The following CACNA2D4 variants were observed in gnomAD, a reference collection of about 807,000 sequenced individuals.
The protein encoded by CACNA2D4 is calcium voltage-gated channel auxiliary subunit alpha2delta 4.
CACNA2D4 carries 157 observed loss-of-function variants against 163.8 expected under a neutral mutation model. That is an observed-to-expected ratio of 0.96 (90% CI 0.84 to 1.09). CACNA2D4 has a LOEUF of 1.09. Ranked by LOEUF, CACNA2D4 falls within the 50% of genes least tolerant of loss-of-function variation. The pLI, the probability that CACNA2D4 is intolerant of heterozygous loss-of-function variation, is 0.00. For synonymous variants in CACNA2D4, 598 were observed against 586.9 expected, an observed-to-expected ratio of 1.02 and a Z score of -0.27; for missense variants, 1,410 against 1,479.9, an observed-to-expected ratio of 0.95 and a Z score of 0.78.
chr12:1,892,783 G>A (rs570843495), intron 6 of CACNA2D4, among the ~76,000 whole-genome samples: 15 of 151,988 alleles, frequency 9.9e-5, no homozygotes, highest in Admixed American at 3.3e-4. Context: ...AGAATGAAAC[G>A]GAAGAAAAAA....
chr12:1,871,292 TTGC>T lies in CACNA2D4; in HGVS notation c.1878+3309_1878+3311del, dbSNP rs1277996493. ...ACTGGTGTGTGTGTACACCTGTATG[TTGC>T]TGGTGTGTGTGTATACGTGTGTGCT... is the stretch of plus-strand genomic sequence containing the variant. On this transcript the variant is annotated intron_variant, in intron 18 of 37. Coordinates refer to ENST00000382722, the MANE Select transcript of CACNA2D4 (RefSeq NM_172364.5). Among the ~76,000 whole-genome samples the T allele has an allele frequency of 8.7e-5, 13 of 148,806 alleles. No individual in the cohort carries two copies. The East Asian group carries it at 2.5e-3, about 28-fold the overall frequency.
chr12:1,867,039 T>TA (rs1865667056), intron 18 of CACNA2D4, among the ~76,000 whole-genome samples: 1 of 152,170 alleles, frequency 6.6e-6, no homozygotes, highest in Non-Finnish European at 1.5e-5. Context: ...TTAACGATGT[T>TA]ATTTTGTTGG....
chr12:1,846,582 G>A lies in CACNA2D4; in HGVS notation c.2342+12C>T, dbSNP rs372065649. On this transcript the variant is annotated intron_variant, in intron 24 of 37. Transcript: ENST00000382722. ...CAGGGATTGCCCTCCCGAGGTGGCCGGCCCAACCCACCTGTCGGAGACCTT... is the reference window on the plus strand; with the variant it reads ...CAGGGATTGCCCTCCCGAGGTGGCCAGCCCAACCCACCTGTCGGAGACCTT... 39 of 1,579,442 alleles carry A rather than the reference G, an allele frequency of 2.5e-5. No individual in the cohort carries two copies. The highest frequency in any genetic ancestry group is 1.7e-4 in the Middle Eastern group (1 of 6,034).
At chr12:1,804,661 G>T (rs12366419) in intron 29 of CACNA2D4, among the ~76,000 whole-genome samples, 1 of 152,242 alleles carries the variant, frequency 6.6e-6, no homozygotes, top group Non-Finnish European at 1.5e-5. Flanking sequence ...AGCCCTTGCG[G>T]CAGGGACTGG....
At chr12:1,868,270 T>A (rs1789886579) in intron 18 of CACNA2D4, among the ~76,000 whole-genome samples, 1 of 152,210 alleles carries the variant, frequency 6.6e-6, no homozygotes, top group South Asian at 2.1e-4. Flanking sequence ...GGAATATTAT[T>A]CAGCCTTAAC....
At chr12:1,865,785 C>T (rs1481384719) in intron 18 of CACNA2D4, among the ~76,000 whole-genome samples, 2 of 152,182 alleles carry the variant, frequency 1.3e-5, no homozygotes, top group Middle Eastern at 3.2e-3. Flanking sequence ...GCCTGAAGGA[C>T]GGTGGCGTTC....
intron 23 of CACNA2D4, among the ~76,000 whole-genome samples, chr12:1,850,643 G>A (rs1006783639): frequency 3.0e-4 from 46 of 152,038 alleles, no homozygotes; most frequent in South Asian, 1.5e-3. Flanking sequence ...GGTGGCTCAC[G>A]CCTGTAATCC....
intron 9 of CACNA2D4, among the ~76,000 whole-genome samples, chr12:1,885,626 G>A (rs73036240): frequency 0.13 from 19,140 of 152,174 alleles, 1,474 homozygotes; most frequent in African/African-American, 0.21. Context: ...TCCTCCTTTC[G>A]GGGAAGCTTC....
chr12:1,812,210 AC>A lies in CACNA2D4; in HGVS notation c.2552-488del, dbSNP rs201608517. Among the ~76,000 whole-genome samples, 987 of 152,094 alleles carry A rather than the reference AC, an allele frequency of 6.5e-3. 10 individuals are homozygous for A. The highest frequency in any genetic ancestry group is 0.022 in the African/African-American group (931 of 41,496). On this transcript the variant is annotated intron_variant, in intron 26 of 37. Coordinates refer to ENST00000382722, the MANE Select transcript of CACNA2D4 (RefSeq NM_172364.5). ...AACCTGGTGTAACCATTCCTTTCAT[AC>A]CCTCTGTCTGCTCAGGATCTTCCCT...
At chr12:1,913,797 T>C (rs1269025231) in intron 2 of CACNA2D4, among the ~76,000 whole-genome samples, 1 of 152,250 alleles carries the variant, frequency 6.6e-6, no homozygotes, top group Non-Finnish European at 1.5e-5. Flanking sequence ...AGCTCTGCAA[T>C]GTATTGGCCG....
In CACNA2D4 at chr12:1,811,736, AAGAG is replaced by A. The variant is rs1863717755; in HGVS notation, c.2552-17_2552-14del. 1.3e-6 allele frequency: 2 copies of A among 1,558,272 alleles called. No homozygotes were observed. Among genetic ancestry groups the A allele is most frequent in the Non-Finnish European group, 1.7e-6 (2 of 1,150,554 alleles). On this transcript the variant is annotated splice_polypyrimidine_tract_variant and intron_variant, in intron 26 of 37. Coordinates refer to ENST00000382722, the MANE Select transcript of CACNA2D4 (RefSeq NM_172364.5). ...TGGACGCCCGCGGCTACAGGGCAGAAAGAGAGAGGGCAAGGCCAGGGAAGAGACG... is the reference window on the plus strand; with the variant it reads ...TGGACGCCCGCGGCTACAGGGCAGAAAGAGGGCAAGGCCAGGGAAGAGACG...
intron 2 of CACNA2D4, 106 bp from the exon 3 acceptor site, chr12:1,913,245 T>G: frequency 1.3e-6 from 1 of 771,846 alleles, no homozygotes; most frequent in Admixed American, 2.0e-5. Flanking sequence ...TTCCGGCACA[T>G]GGAGCCTGGT....
At chr12:1,848,265 G>T (rs974447892) in intron 23 of CACNA2D4, among the ~76,000 whole-genome samples, 1 of 151,982 alleles carries the variant, frequency 6.6e-6, no homozygotes, top group Non-Finnish European at 1.5e-5. Context: ...TCTTTTCCTT[G>T]CAATCGATGT....
chr12:1,885,851 C>A (rs1363845190), intron 9 of CACNA2D4, 114 bp downstream of exon 9: 26 of 750,194 alleles, frequency 3.5e-5, no homozygotes, highest in Admixed American at 2.3e-5. Flanking sequence ...TGCTCTCATT[C>A]CAGGTGCCAT....
In CACNA2D4 at chr12:1,846,595, T is replaced by C. The variant is rs1865149435; in HGVS notation, c.2341A>G (p.Arg781Gly). 6 of 1,592,570 alleles carry C rather than the reference T, an allele frequency of 3.8e-6. No homozygotes were observed. Among genetic ancestry groups the C allele is most frequent in the Admixed American group, 1.7e-5 (1 of 58,132 alleles). Residue 781 changes from arginine to glycine, a missense_variant and splice_region_variant, in exon 24 of 38, where the codon AGG becomes GGG. Coordinates refer to ENST00000382722, the MANE Select transcript of CACNA2D4 (RefSeq NM_172364.5). ...LFVGSEKVSD[R>G]KFLTPEDEAS... ...CCCGAGGTGGCCGGCCCAACCCACC[T>C]GTCGGAGACCTTCTCGGAGCCCACG...
intron 18 of CACNA2D4, among the ~76,000 whole-genome samples, chr12:1,871,521 CAT>C (rs929551190): frequency 1.6e-4 from 23 of 146,388 alleles, no homozygotes; most frequent in Non-Finnish European, 3.1e-4. Context: ...TGTGTGTGTA[CAT>C]GTGTGCCACT....
At position 1,843,789 on chromosome 12, in the gene CACNA2D4, TC is replaced by T. The variant is rs1865083068; in HGVS notation, c.2470+612del. On this transcript the variant is annotated intron_variant, in intron 25 of 37. Transcript: ENST00000382722. The surrounding 1 kb of genome is among the most constrained non-coding windows in gnomAD (Gnocchi z 4.6). Reference sequence around the variant, plus strand: ...GTTGGGTGCCCATCAACTCTGAGAGTCTTCCTGGTCCCTGGCCGTGCAGGGA... The same window carrying T: ...GTTGGGTGCCCATCAACTCTGAGAGTTTCCTGGTCCCTGGCCGTGCAGGGA... Among the ~76,000 whole-genome samples, 1 of 151,812 alleles carries T rather than the reference TC, an allele frequency of 6.6e-6. No individual in the cohort carries two copies. Among genetic ancestry groups the T allele is most frequent in the South Asian group, 2.1e-4 (1 of 4,808 alleles).
chr12:1,844,254 TGCAGGAGGGAAG>T lies in CACNA2D4; in HGVS notation c.2470+136_2470+147del, dbSNP rs1048447305. The T allele has an allele frequency of 4.5e-5, 40 of 893,402 alleles. No individual in the cohort carries two copies. Among genetic ancestry groups the T allele is most frequent in the African/African-American group, 4.2e-4 (25 of 59,850 alleles). The allele number at this position is 893,402 out of a possible 1,614,324, so 55.3% of individuals were successfully genotyped here. On this transcript the variant is annotated intron_variant, in intron 25 of 37. Transcript: ENST00000382722. This position sits in a 1 kb window ranked among gnomAD's most constrained non-coding sequence, Gnocchi z 4.2. The stretch of plus-strand genomic sequence containing the variant: ...TGAGCTTTTTTAAGTCACTAATGCA[TGCAGGAGGGAAG>T]GCAGGAGGGGAACCCTGGTGGTCTG...
chr12:1,794,353 A>T (rs1863052443), intron 37 of CACNA2D4, among the ~76,000 whole-genome samples: 1 of 152,048 alleles, frequency 6.6e-6, no homozygotes, highest in Non-Finnish European at 1.5e-5. Flanking sequence ...ACTTCAACAA[A>T]TGTGAAGGGT....
Sources: gnomAD v4.1 joint callset for allele counts (sites outside exome capture counted in the v4.1 genomes callset) on GRCh38, gnomAD v4.1.1 for gene constraint, Gnocchi (gnomAD v3.1) non-coding constraint, MANE v1.5 for transcripts, NCBI Gene and HGNC (gene_info 2026-07-23, HGNC 2026-07-21) for gene names.